Variants in SNX7 observed in about 807,000 individuals in gnomAD.
SNX7 encodes the protein sorting nexin-7.
SNX7 carries 35 observed loss-of-function variants against 48.4 expected under a neutral mutation model. The observed-to-expected ratio is 0.72, with a 90% CI of 0.55 to 0.96. The LOEUF (loss-of-function observed/expected upper bound fraction) is 0.96, where lower values mean the gene tolerates loss of function less well. Ranked by LOEUF, SNX7 falls within the 40% of genes least tolerant of loss-of-function variation. SNX7 has a pLI of 0.00. For synonymous variants in SNX7, 190 were observed against 190.2 expected (o/e 1.00, Z 0.01); for missense variants, 553 against 548.9 (o/e 1.01, Z -0.07).
At chr1:98,661,677 C>CG, upstream of SNX7, 3 of 1,190,318 alleles carry the variant, frequency 2.5e-6, no homozygotes, top group South Asian at 4.2e-5. Flanking sequence ...TGGGCACGCT[C>CG]GGGGGAGCCG....
chr1:98,662,876 G>A, intron 1 of SNX7: 1 of 1,282,454 alleles, frequency 7.8e-7, no homozygotes, highest in Middle Eastern at 2.1e-4. Flanking sequence ...CCAAAGTTAG[G>A]AAGTGACCAT....
intron 7 of SNX7, among the ~76,000 whole-genome samples, chr1:98,706,561 T>C (rs1320036355): frequency 1.3e-5 from 2 of 152,126 alleles, no homozygotes; most frequent in African/African-American, 4.8e-5. Flanking sequence ...AACATAATCA[T>C]ATTTAAGTTA....
At chr1:98,688,079 G>A (rs563129875) in intron 2 of SNX7, among the ~76,000 whole-genome samples, 1 of 152,210 alleles carries the variant, frequency 6.6e-6, no homozygotes, top group East Asian at 1.9e-4. Flanking sequence ...TAAATATTTT[G>A]AAGGAAAAAT....
chr1:98,718,153 G>T (rs1180431110), intron 7 of SNX7, among the ~76,000 whole-genome samples: 1 of 151,956 alleles, frequency 6.6e-6, no homozygotes, highest in East Asian at 1.9e-4. Context: ...CCTGAAGAAG[G>T]TCCCTCACCA....
At chr1:98,711,917 C>A (rs1652331158) in intron 7 of SNX7, among the ~76,000 whole-genome samples, 1 of 152,164 alleles carries the variant, frequency 6.6e-6, no homozygotes, top group Non-Finnish European at 1.5e-5. Context: ...ATTCTGAGTT[C>A]TTTGTTGTCA....
intron 7 of SNX7, among the ~76,000 whole-genome samples, chr1:98,717,056 G>A (rs893255589): frequency 1.3e-5 from 2 of 151,580 alleles, no homozygotes; most frequent in African/African-American, 4.8e-5. Flanking sequence ...ATTGCCACTG[G>A]GAAATGCTTT....
At chr1:98,735,541 T>C (rs1005948294) in intron 7 of SNX7, among the ~76,000 whole-genome samples, 11 of 152,088 alleles carry the variant, frequency 7.2e-5, no homozygotes, top group Non-Finnish European at 1.2e-4. Flanking sequence ...ATTGACTTAA[T>C]ACCTAGACAC....
chr1:98,707,682 T>G (rs929605982), intron 7 of SNX7, among the ~76,000 whole-genome samples: 2 of 152,232 alleles, frequency 1.3e-5, no homozygotes, highest in African/African-American at 2.4e-5. Context: ...TATGAATACA[T>G]TTGACATTTA....
At chr1:98,672,709 G>A (rs892274072) in intron 1 of SNX7, among the ~76,000 whole-genome samples, 2 of 151,060 alleles carry the variant, frequency 1.3e-5, no homozygotes, top group Non-Finnish European at 1.5e-5. Context: ...TGGATCTTGA[G>A]GTCAGGAGAT....
chr1:98,690,078 A>G (rs1339614269), intron 2 of SNX7, among the ~76,000 whole-genome samples: 1 of 152,130 alleles, frequency 6.6e-6, no homozygotes, highest in African/African-American at 2.4e-5. Context: ...GCATCTTATG[A>G]CTTGGACTGT....
chr1:98,683,832 A>G (rs1650635812), intron 1 of SNX7, among the ~76,000 whole-genome samples: 7 of 152,184 alleles, frequency 4.6e-5, no homozygotes, highest in Admixed American at 4.6e-4. Flanking sequence ...TTAGTCTGGT[A>G]TGCAGGACTT....
rs141730971 is a variant in SNX7 at position 98,758,460 on chromosome 1, G to A, written c.1279-1594G>A. On this transcript the variant is annotated intron_variant, in intron 8 of 8. Coordinates refer to ENST00000306121, the MANE Select transcript of SNX7 (RefSeq NM_015976.5). ...GAGAGGCTATTATTATTATATATCT[G>A]AGGAGCTACAATATCATAAAGTTAG... 3.7e-3 allele frequency among the ~76,000 whole-genome samples: 563 copies of A among 151,920 alleles called. 5 individuals carry two copies. Among genetic ancestry groups the A allele is most frequent in the African/African-American group, 0.013 (524 of 41,442 alleles).
At chr1:98,754,026 C>A (rs1254535395) in intron 8 of SNX7, among the ~76,000 whole-genome samples, 1 of 151,818 alleles carries the variant, frequency 6.6e-6, no homozygotes, top group African/African-American at 2.4e-5. Flanking sequence ...TTAATTGTAG[C>A]TTTTTGTAGA....
intron 8 of SNX7, among the ~76,000 whole-genome samples, chr1:98,748,637 A>AACACACACACACACACACACACACAC (rs58973289): frequency 6.9e-6 from 1 of 145,792 alleles, no homozygotes; most frequent in African/African-American, 2.6e-5. Flanking sequence ...AAATGATTTA[A>AACACACACACACACACACACACACAC]ACACACACAC....
intron 5 of SNX7, among the ~76,000 whole-genome samples, chr1:98,698,397 G>C (rs1651569344): frequency 6.6e-6 from 1 of 152,110 alleles, no homozygotes; most frequent in African/African-American, 2.4e-5. Context: ...CTCAGATATA[G>C]TTGTGTGGTA....
intron 8 of SNX7, among the ~76,000 whole-genome samples, chr1:98,754,397 A>C (rs921027039): frequency 6.6e-6 from 1 of 152,178 alleles, no homozygotes; most frequent in South Asian, 2.1e-4. Flanking sequence ...GGAAGAGATT[A>C]TATGGAATTA....
chr1:98,671,818 CTTTCA>C (rs1649881133), intron 1 of SNX7, among the ~76,000 whole-genome samples: 1 of 151,936 alleles, frequency 6.6e-6, no homozygotes, highest in Non-Finnish European at 1.5e-5. Flanking sequence ...TTTTGAGATT[CTTTCA>C]TTTGTCATAT....
rs183449082 is a variant in SNX7 at position 98,662,393 on chromosome 1, G to C, written c.180+482G>C. 2.3e-4 allele frequency: 47 copies of C among 200,178 alleles called. No individual in the cohort carries two copies. In the East Asian group the frequency reaches 6.3e-3, roughly 27 times the overall value. The allele number at this position is 200,178 out of a possible 1,614,324, so 12.4% of individuals were successfully genotyped here. ...GGATTTGAGACTTGGGTGAGTCTCG[G>C]GTCTTGTGGGAATAGGTTCTAGGAA... On this transcript the variant is annotated intron_variant, in intron 1 of 8. Transcript: ENST00000306121.
intron 8 of SNX7, among the ~76,000 whole-genome samples, chr1:98,738,886 GT>G (rs58756657): frequency 0.5 from 75,468 of 150,536 alleles, 19,174 homozygotes; most frequent in African/African-American, 0.6. Flanking sequence ...TCTCAGAGAA[GT>G]TTTTTTTTTA....
Sources: allele counts gnomAD v4.1 joint callset (sites outside exome capture counted in the v4.1 genomes callset), GRCh38; gene constraint gnomAD v4.1.1; transcripts MANE v1.5; gene names NCBI Gene and HGNC (gene_info 2026-07-23, HGNC 2026-07-21).